PPME1: variants seen among roughly 807,000 people sequenced by gnomAD.
The protein encoded by PPME1 is protein phosphatase methylesterase 1, also known as testicular secretory protein Li 39.
In PPME1, 17 loss-of-function variants were observed where a neutral mutation model predicts 56.9. That is an observed-to-expected ratio of 0.30 (90% CI 0.20 to 0.45). The LOEUF (loss-of-function observed/expected upper bound fraction) is 0.45. Among genes scored for constraint, PPME1 ranks in the 20% least tolerant of loss-of-function variants. The pLI, the probability that PPME1 is intolerant of heterozygous loss-of-function variation, is 1.00. For missense variants in PPME1, 357 were observed against 483.2 expected (o/e 0.74, Z 2.45); for synonymous variants, 122 against 156.2 (o/e 0.78, Z 1.63).
chr11:74,251,758 G>C (rs764352439), intron 13 of PPME1, 43 bp downstream of exon 13: 2 of 1,604,360 alleles, frequency 1.2e-6, no homozygotes, highest in Non-Finnish European at 8.5e-7. Flanking sequence ...AGTGCTGGCC[G>C]AATCTGACAA....
chr11:74,228,999 C>T (rs570912982), intron 5 of PPME1, among the ~76,000 whole-genome samples: 3 of 152,266 alleles, frequency 2.0e-5, no homozygotes, highest in East Asian at 1.9e-4. Flanking sequence ...TTAAGTCGAA[C>T]GAATATTAAA....
intron 4 of PPME1, among the ~76,000 whole-genome samples, chr11:74,223,450 A>G (rs1003264303): frequency 1.4e-5 from 2 of 142,236 alleles, no homozygotes; most frequent in Non-Finnish European, 1.5e-5. Flanking sequence ...TCCTTTGGGT[A>G]TATACCCAGT....
rs752026314 is a variant in PPME1, at chr11:74,239,263, A to G, written c.834+7A>G. On this transcript the variant is annotated splice_region_variant and intron_variant, in intron 9 of 13. Coordinates refer to ENST00000328257, the MANE Select transcript of PPME1 (RefSeq NM_016147.3). ...AAAGGAAGATGACATGGAGGTGGGTAAAAACATTCATTCTTGAAAAGATGC... is the reference window on the plus strand; with the variant it reads ...AAAGGAAGATGACATGGAGGTGGGTGAAAACATTCATTCTTGAAAAGATGC... The G allele has an allele frequency of 1.9e-6, 3 of 1,611,116 alleles. No individual in the cohort carries two copies. Among genetic ancestry groups the G allele is most frequent in the South Asian group, 1.1e-5 (1 of 90,646 alleles).
intron 1 of PPME1, among the ~76,000 whole-genome samples, chr11:74,203,011 T>C (rs1858213685): frequency 6.6e-6 from 1 of 152,170 alleles, no homozygotes; most frequent in African/African-American, 2.4e-5. Context: ...TTTATTAATA[T>C]ATTTGTTCAT....
intron 9 of PPME1, chr11:74,243,345 T>C (rs953393523): frequency 1.3e-5 from 2 of 151,364 alleles, no homozygotes; most frequent in Admixed American, 6.6e-5. Context: ...TGAACTGTTA[T>C]ATATATATAT....
chr11:74,214,867 A>G (rs1205491385), intron 3 of PPME1, among the ~76,000 whole-genome samples: 1 of 152,200 alleles, frequency 6.6e-6, no homozygotes, highest in Non-Finnish European at 1.5e-5. Flanking sequence ...AATGAACACT[A>G]AGAAATCATC....
intron 1 of PPME1, among the ~76,000 whole-genome samples, chr11:74,196,548 A>T (rs1411270775): frequency 6.6e-6 from 1 of 152,164 alleles, no homozygotes; most frequent in African/African-American, 2.4e-5. Flanking sequence ...GTTACAGGAA[A>T]GGGGTCCCAA....
chr11:74,192,178 A>G (rs1339480603), intron 1 of PPME1, among the ~76,000 whole-genome samples: 3 of 152,216 alleles, frequency 2.0e-5, no homozygotes, highest in African/African-American at 7.2e-5. Context: ...GATGTGGGAC[A>G]TGGAGTCAAA....
chr11:74,178,519 C>T (rs978627138), intron 1 of PPME1, among the ~76,000 whole-genome samples: 9 of 152,100 alleles, frequency 5.9e-5, no homozygotes, highest in Non-Finnish European at 1.0e-4. Flanking sequence ...GGGAAGTGGG[C>T]AGGTAATGTC....
intron 12 of PPME1, 86 bp downstream of exon 12, chr11:74,251,104 T>A: frequency 6.5e-7 from 1 of 1,535,134 alleles, no homozygotes; most frequent in South Asian, 1.2e-5. Flanking sequence ...AGTCTCAGCC[T>A]GCATTGCCTG....
intron 8 of PPME1, chr11:74,238,875 A>C: frequency 3.2e-6 from 1 of 313,892 alleles, no homozygotes; most frequent in South Asian, 6.0e-5. Context: ...TGCCAATAAA[A>C]CTCATGCCTG....
chr11:74,241,569 G>A (rs1023428337), intron 9 of PPME1, among the ~76,000 whole-genome samples: 12 of 152,184 alleles, frequency 7.9e-5, no homozygotes, highest in Non-Finnish European at 1.2e-4. Flanking sequence ...CTGACAGACC[G>A]TTTTCCAAAG....
At chr11:74,216,290 G>C (rs1170403122) in intron 3 of PPME1, among the ~76,000 whole-genome samples, 1 of 152,106 alleles carries the variant, frequency 6.6e-6, no homozygotes, top group East Asian at 1.9e-4. Context: ...ATTATATCAA[G>C]TATATTTTCT....
intron 1 of PPME1, among the ~76,000 whole-genome samples, chr11:74,201,373 A>G (rs565230813): frequency 6.7e-6 from 1 of 148,298 alleles, no homozygotes; most frequent in African/African-American, 2.6e-5. Flanking sequence ...GTAAGTTTTA[A>G]CTGGTACCTG....
At chr11:74,215,930 G>T (rs936075757) in intron 3 of PPME1, among the ~76,000 whole-genome samples, 4 of 152,050 alleles carry the variant, frequency 2.6e-5, no homozygotes, top group African/African-American at 9.7e-5. Context: ...ATGATAAGGG[G>T]GTCAATTCAG....
intron 1 of PPME1, among the ~76,000 whole-genome samples, chr11:74,172,016 A>G (rs529886087): frequency 6.6e-6 from 1 of 152,146 alleles, no homozygotes; most frequent in Non-Finnish European, 1.5e-5. Flanking sequence ...GGGGTAGAAA[A>G]CACTCGAGAC....
chr11:74,249,622 G>T (rs1859601512), intron 11 of PPME1: 1 of 152,174 alleles, frequency 6.6e-6, no homozygotes, highest in East Asian at 1.9e-4. Flanking sequence ...ATTCGCTAAA[G>T]ACTTAAGCAT....
intron 3 of PPME1, among the ~76,000 whole-genome samples, chr11:74,210,750 ACTT>A (rs1194469640): frequency 6.6e-6 from 1 of 152,312 alleles, no homozygotes; most frequent in South Asian, 2.1e-4. Flanking sequence ...CTGGTGCCGT[ACTT>A]CTTATACAGC....
chr11:74,205,075 A>G (rs1858293615), intron 3 of PPME1: 1 of 152,210 alleles, frequency 6.6e-6, no homozygotes, highest in Non-Finnish European at 1.5e-5. Flanking sequence ...TTGTGTAGAG[A>G]ACCAGACATT....
Sources: allele counts gnomAD v4.1 joint callset (sites outside exome capture counted in the v4.1 genomes callset), GRCh38; gene constraint gnomAD v4.1.1; transcripts MANE v1.5; gene names NCBI Gene and HGNC (gene_info 2026-07-23, HGNC 2026-07-21).